Variants in TDRKH observed in about 807,000 individuals in gnomAD.
The protein encoded by TDRKH is tudor and KH domain-containing protein.
A neutral mutation model predicts 61.3 loss-of-function variants in TDRKH; 28 were observed. The ratio of observed to expected loss-of-function variants is 0.46; its 90% CI spans 0.34 to 0.63. The LOEUF (loss-of-function observed/expected upper bound fraction) is 0.63, where lower values mean the gene tolerates loss of function less well. Among genes scored for constraint, TDRKH ranks in the 20% least tolerant of loss-of-function variants. The probability of loss-of-function intolerance (pLI) is 0.01; values close to 1 mark genes in which losing one functional copy is unlikely to be tolerated. For missense variants in TDRKH, 540 were observed against 683.4 expected, an observed-to-expected ratio of 0.79 and a Z score of 2.34; for synonymous variants, 219 against 244.4, an observed-to-expected ratio of 0.90 and a Z score of 0.97.
chr1:151,771,294 A>G, downstream of TDRKH: 3 of 1,570,102 alleles, frequency 1.9e-6, no homozygotes, highest in Non-Finnish European at 2.6e-6. Context: ...GTGATTCAGG[A>G]CACTTTCCAT....
At chr1:151,782,439 T>C (rs1649913422) in intron 2 of TDRKH, among the ~76,000 whole-genome samples, 1 of 146,090 alleles carries the variant, frequency 6.8e-6, no homozygotes, top group Non-Finnish European at 1.5e-5. Context: ...AGAGTGAGAC[T>C]CTGTCTCAAA....
downstream of TDRKH, chr1:151,768,155 A>T: frequency 6.2e-7 from 1 of 1,613,860 alleles, no homozygotes; most frequent in Non-Finnish European, 8.5e-7. Flanking sequence ...ACCTCTGCCC[A>T]TTGGCACGGC....
Position 151,782,969 on chromosome 1 carries a change from G to A in TDRKH, c.54C>T (p.Ala18=). 2 of 1,613,748 alleles carry A rather than the reference G, an allele frequency of 1.2e-6. No homozygotes were observed. Among genetic ancestry groups the A allele is most frequent in the Admixed American group, 3.3e-5 (2 of 59,982 alleles). The change falls in exon 2 of 13, where the codon GCC becomes GCT. Residue 18 remains alanine, a synonymous_variant. Coordinates refer to ENST00000368824, the MANE Select transcript of TDRKH (RefSeq NM_001083965.2). ...CACTGGCTGGGATCCCAAGGCCCAG[G>A]GCTATTTTCTGAATGGTGGACAGGC... The part of the protein sequence containing the change: ...WTSLSTIQKI[A]LGLGIPASAT...
Position 151,779,016 on chromosome 1 carries a change from A to G in TDRKH, c.562-10T>C. 1 of 1,612,752 alleles carries G rather than the reference A, an allele frequency of 6.2e-7. No individual in the cohort carries two copies. The highest frequency in any genetic ancestry group is 8.5e-7 in the Non-Finnish European group (1 of 1,179,132). ...TCTCCAGTATCAAATGCTGTGGAAA[A>G]CAAGAGAAAGGATGATATTCTGACC... is the stretch of plus-strand genomic sequence containing the variant. On this transcript the variant is annotated splice_polypyrimidine_tract_variant and intron_variant, in intron 5 of 12. Coordinates refer to ENST00000368824, the MANE Select transcript of TDRKH (RefSeq NM_001083965.2).
downstream of TDRKH, chr1:151,766,791 T>C (rs1159777342): frequency 1.9e-6 from 3 of 1,587,928 alleles, no homozygotes; most frequent in Non-Finnish European, 2.6e-6. Context: ...AACACGTAAC[T>C]ACCTCTACCC....
chr1:151,769,129 C>T (rs9724841), downstream of TDRKH, among the ~76,000 whole-genome samples: 11 of 151,712 alleles, frequency 7.3e-5, no homozygotes, highest in South Asian at 2.1e-3. Context: ...CTTTTCTATT[C>T]GACAAAACCG....
chr1:151,788,001 A>AG (rs1305602847), intron 1 of TDRKH, among the ~76,000 whole-genome samples: 2 of 152,010 alleles, frequency 1.3e-5, no homozygotes, highest in African/African-American at 4.8e-5. Flanking sequence ...GTTTAAAAAA[A>AG]AAAAGTATAG....
downstream of TDRKH, chr1:151,770,083 G>T: frequency 6.9e-7 from 1 of 1,449,944 alleles, no homozygotes; most frequent in Non-Finnish European, 9.3e-7. Flanking sequence ...TGGAGAGAGA[G>T]GGAGAGGGAG....
At chr1:151,787,800 T>C (rs568072028) in intron 1 of TDRKH, among the ~76,000 whole-genome samples, 19 of 120,530 alleles carry the variant, frequency 1.6e-4, no homozygotes, top group Admixed American at 1.1e-3. Flanking sequence ...AGTGAGACTC[T>C]GTTTCTACAA....
chr1:151,767,066 C>A, downstream of TDRKH: 1 of 1,518,888 alleles, frequency 6.6e-7, no homozygotes, highest in Non-Finnish European at 8.9e-7. Flanking sequence ...ACAGGCTGGA[C>A]AACAGAAAAT....
intron 4 of TDRKH, among the ~76,000 whole-genome samples, chr1:151,779,511 T>C (rs891199026): frequency 3.9e-5 from 6 of 152,202 alleles, no homozygotes; most frequent in African/African-American, 1.4e-4. Context: ...AGCATGGCCA[T>C]ATCAGGTCAC....
At chr1:151,785,824 G>A (rs1205504055) in intron 1 of TDRKH, among the ~76,000 whole-genome samples, 1 of 151,996 alleles carries the variant, frequency 6.6e-6, no homozygotes, top group Non-Finnish European at 1.5e-5. Flanking sequence ...AGTACTGTAG[G>A]TGGTTAAAAA....
chr1:151,775,288 TACAGTA>T lies in TDRKH; in HGVS notation c.1434+98_1434+103del, dbSNP rs972291687. 124 of 1,550,148 alleles carry T rather than the reference TACAGTA, an allele frequency of 8.0e-5. 1 individual carries two copies. In the African/African-American group the frequency reaches 1.3e-3, roughly 17 times the overall value. Reference sequence around the variant, plus strand: ...TTTGGTGAGATGGTGAGAAGGATCTTACAGTAAGAGTAATATCAGATAAGGGTTTCT... The same window carrying T: ...TTTGGTGAGATGGTGAGAAGGATCTTAGAGTAATATCAGATAAGGGTTTCT... On this transcript the variant is annotated intron_variant, in intron 10 of 12. Transcript: ENST00000368824.
downstream of TDRKH, chr1:151,767,569 C>T (rs1571968462): frequency 2.0e-6 from 1 of 489,810 alleles, no homozygotes; most frequent in African/African-American, 2.0e-5. Context: ...GGACATAAAG[C>T]TGTTTATGCC....
rs890790071 is a variant in TDRKH at position 151,779,841 on chromosome 1, T to TC, written c.421+109dup. On this transcript the variant is annotated intron_variant, in intron 4 of 12. Coordinates refer to ENST00000368824, the MANE Select transcript of TDRKH (RefSeq NM_001083965.2). ...CCTCTGGTCTCAATGTCCCTTTTTT[T>TC]CCCCTCACATGGTGAAGGGGAACTA... 9.3e-5 allele frequency: 109 copies of TC among 1,172,064 alleles called. 2 individuals carry two copies. The East Asian group carries it at 2.3e-3, about 25-fold the overall frequency. 72.6% of individuals were successfully genotyped at this position (1,172,064 alleles called of 1,614,324 possible).
intron 1 of TDRKH, among the ~76,000 whole-genome samples, chr1:151,789,680 A>G (rs1650710004): frequency 1.3e-5 from 2 of 152,266 alleles, no homozygotes; most frequent in Admixed American, 1.3e-4. Context: ...TGTGATGAGA[A>G]GTCAAATCAC....
chr1:151,782,494 A>G (rs1308639743), intron 2 of TDRKH, among the ~76,000 whole-genome samples: 1 of 150,760 alleles, frequency 6.6e-6, no homozygotes, highest in Non-Finnish European at 1.5e-5. Flanking sequence ...TTCCTCACAG[A>G]AAGTCAATTA....
chr1:151,770,371 GGGATTCTTTTCTTCCCACCTACCACGAA>G, downstream of TDRKH: 1 of 1,420,314 alleles, frequency 7.0e-7, no homozygotes, highest in Middle Eastern at 2.2e-4. Context: ...AGGCATTTCA[GGGATTCTTTTCTTCCCACCTACCACGAA>G]GGTGGGAAGT....
intron 11 of TDRKH, 38 bp from the exon 12 acceptor site, chr1:151,774,844 T>C (rs1349431492): frequency 3.1e-6 from 5 of 1,606,698 alleles, no homozygotes; most frequent in East Asian, 2.2e-5. Flanking sequence ...AGGAACATGT[T>C]GGCTTTTAGG....
Sources: allele counts gnomAD v4.1 joint callset (sites outside exome capture counted in the v4.1 genomes callset), GRCh38; gene constraint gnomAD v4.1.1; transcripts MANE v1.5; gene names NCBI Gene and HGNC (gene_info 2026-07-23, HGNC 2026-07-21).